Variants in DCDC2 observed in about 807,000 individuals in gnomAD.
DCDC2 encodes doublecortin domain-containing protein 2.
In DCDC2, 40 loss-of-function variants were observed where a neutral mutation model predicts 50.2. The ratio of observed to expected loss-of-function variants is 0.80; its 90% CI spans 0.62 to 1.04. The LOEUF is 1.04. Ranked by LOEUF, DCDC2 falls within the 50% of genes least tolerant of loss-of-function variation. DCDC2 has a pLI of 0.00. For synonymous variants in DCDC2, 234 were observed against 210.6 expected, an observed-to-expected ratio of 1.11 and a Z score of -0.96; for missense variants, 570 against 581.9, an observed-to-expected ratio of 0.98 and a Z score of 0.21.
intron 7 of DCDC2, among the ~76,000 whole-genome samples, chr6:24,249,617 G>T (rs980623710): frequency 3.9e-5 from 6 of 152,096 alleles, no homozygotes; most frequent in Non-Finnish European, 8.8e-5. Flanking sequence ...TAATCCAACC[G>T]ACAGTGTTAA....
intron 7 of DCDC2, among the ~76,000 whole-genome samples, chr6:24,275,323 C>A (rs889986106): frequency 3.3e-5 from 5 of 152,238 alleles, no homozygotes; most frequent in South Asian, 4.1e-4. Context: ...CATTAAGAAC[C>A]AAATTGCTCA....
chr6:24,196,324 C>G (rs1361972172), intron 8 of DCDC2, among the ~76,000 whole-genome samples: 2 of 151,952 alleles, frequency 1.3e-5, no homozygotes, highest in Non-Finnish European at 1.5e-5. Context: ...CATGGTACAG[C>G]CTTGAGCAAA....
At chr6:24,252,840 T>G (rs1413491681) in intron 7 of DCDC2, among the ~76,000 whole-genome samples, 2 of 152,170 alleles carry the variant, frequency 1.3e-5, no homozygotes, top group Non-Finnish European at 2.9e-5. Flanking sequence ...CTAAAATTAT[T>G]TATGTTCACT....
the DCDC2 span, among the ~76,000 whole-genome samples, chr6:24,378,763 A>C: frequency 6.6e-6 from 1 of 152,090 alleles, no homozygotes; most frequent in African/African-American, 2.4e-5. Context: ...GCAGCTTCTA[A>C]TTCCTCCCAC....
chr6:24,369,133 C>CAAAAAAAAAAAAA, the DCDC2 span, among the ~76,000 whole-genome samples: 18 of 92,776 alleles, frequency 1.9e-4, no homozygotes, highest in African/African-American at 7.2e-4. Context: ...GACTCTGTCT[C>CAAAAAAAAAAAAA]AAAAAAAAAA....
chr6:24,372,010 C>T, the DCDC2 span, among the ~76,000 whole-genome samples: 1 of 152,196 alleles, frequency 6.6e-6, no homozygotes, highest in Non-Finnish European at 1.5e-5. Context: ...AACACTTTTA[C>T]ACTGTTGGTG....
intron 6 of DCDC2, among the ~76,000 whole-genome samples, chr6:24,282,878 C>T (rs1763508747): frequency 1.3e-5 from 2 of 152,092 alleles, no homozygotes; most frequent in Admixed American, 6.6e-5. Context: ...CCTCAGTTTC[C>T]CCCATGGCAA....
chr6:24,223,750 G>A (rs1762166034), intron 7 of DCDC2, among the ~76,000 whole-genome samples: 1 of 152,214 alleles, frequency 6.6e-6, no homozygotes, highest in Non-Finnish European at 1.5e-5. Flanking sequence ...ATTACCATGT[G>A]TCTGAGGATC....
At chr6:24,187,155 C>A (rs2113747379) in intron 8 of DCDC2, among the ~76,000 whole-genome samples, 1 of 152,230 alleles carries the variant, frequency 6.6e-6, no homozygotes, top group East Asian at 1.9e-4. Context: ...ACTCTCCCAT[C>A]CCTCCTCTAT....
At chr6:24,276,769 G>A (rs910357098) in intron 7 of DCDC2, among the ~76,000 whole-genome samples, 10 of 151,894 alleles carry the variant, frequency 6.6e-5, no homozygotes, top group Non-Finnish European at 2.9e-5. Flanking sequence ...TGCTACTCAC[G>A]GGAAAGGACT....
At chr6:24,181,491 G>A (rs928473043) in intron 8 of DCDC2, among the ~76,000 whole-genome samples, 7 of 152,038 alleles carry the variant, frequency 4.6e-5, no homozygotes, top group Admixed American at 3.9e-4. Context: ...AAAACAGAAC[G>A]GAGGAGAATA....
At chr6:24,184,708 A>G (rs73391945) in intron 8 of DCDC2, among the ~76,000 whole-genome samples, 3,145 of 152,348 alleles carry the variant, frequency 0.021, 109 homozygotes, top group African/African-American at 0.071. Context: ...GAAGCAGTAT[A>G]TAACAAAACT....
the DCDC2 span, among the ~76,000 whole-genome samples, chr6:24,381,986 A>AGGAG: frequency 7.0e-6 from 1 of 141,990 alleles, no homozygotes; most frequent in African/African-American, 2.8e-5. Context: ...GAAGGAAGGA[A>AGGAG]GGAAGGAAGG....
intron 8 of DCDC2, among the ~76,000 whole-genome samples, chr6:24,179,252 A>G (rs899344133): frequency 3.3e-5 from 5 of 152,158 alleles, no homozygotes; most frequent in Non-Finnish European, 5.9e-5. Context: ...CTCTGTAAGA[A>G]TAATAAATGC....
At chr6:24,232,022 C>CACAT (rs1278106066) in intron 7 of DCDC2, among the ~76,000 whole-genome samples, 1 of 149,096 alleles carries the variant, frequency 6.7e-6, no homozygotes, top group Non-Finnish European at 1.5e-5. Context: ...CACACACACA[C>CACAT]ACACACATAC....
intron 8 of DCDC2, among the ~76,000 whole-genome samples, chr6:24,191,631 C>G (rs1228353053): frequency 6.6e-6 from 1 of 152,170 alleles, no homozygotes. Flanking sequence ...AATCTGCCCA[C>G]AGGCTACCAT....
intron 8 of DCDC2, among the ~76,000 whole-genome samples, chr6:24,182,808 C>A (rs1420566914): frequency 2.0e-5 from 3 of 151,988 alleles, no homozygotes; most frequent in Admixed American, 6.6e-5. Context: ...TGGGTAAATA[C>A]CCAAAAGAAC....
intron 6 of DCDC2, among the ~76,000 whole-genome samples, chr6:24,283,393 G>A (rs1436202312): frequency 6.6e-6 from 1 of 152,248 alleles, no homozygotes; most frequent in South Asian, 2.1e-4. Context: ...ACTCAGTTAC[G>A]CACCAGCAGG....
At chr6:24,361,951 C>T (rs1760672199), upstream of DCDC2, among the ~76,000 whole-genome samples, 1 of 152,072 alleles carries the variant, frequency 6.6e-6, no homozygotes, top group Non-Finnish European at 1.5e-5. Context: ...GAAGAGAAGG[C>T]CTTAATTCAT....
Sources: allele counts gnomAD v4.1 joint callset (sites outside exome capture counted in the v4.1 genomes callset), GRCh38; gene constraint gnomAD v4.1.1; transcripts MANE v1.5; gene names NCBI Gene and HGNC (gene_info 2026-07-23, HGNC 2026-07-21).